Variants in CDNF observed in about 807,000 individuals in gnomAD.
CDNF encodes cerebral dopamine neurotrophic factor.
A neutral mutation model predicts 14.8 loss-of-function variants in CDNF; 9 were observed. That is an observed-to-expected ratio of 0.61 (90% CI 0.37 to 1.06). The LOEUF is 1.06. CDNF is among the 50% of genes least tolerant of loss of function. The pLI is 0.01. For synonymous variants in CDNF, 86 were observed against 87.2 expected (o/e 0.99, Z 0.07); for missense variants, 228 against 228.4 (o/e 1.00, Z 0.01).
chr10:14,824,643 T>A (rs928310104), intron 3 of CDNF, among the ~76,000 whole-genome samples: 2 of 151,730 alleles, frequency 1.3e-5, no homozygotes, highest in Non-Finnish European at 2.9e-5. Flanking sequence ...TCTCCTTCCT[T>A]TTCTTGCTGT....
intron 1 of CDNF, among the ~76,000 whole-genome samples, chr10:14,828,715 T>A (rs1240465593): frequency 6.7e-6 from 1 of 150,114 alleles, no homozygotes; most frequent in East Asian, 2.0e-4. Context: ...TAAGTAAGAA[T>A]GATTTGGGGG....
At chr10:14,836,425 A>G (rs1317105814) in intron 1 of CDNF, 1 of 152,262 alleles carries the variant, frequency 6.6e-6, no homozygotes, top group Non-Finnish European at 1.5e-5. Flanking sequence ...AAACATTTAT[A>G]AGTGGGAGCC....
At position 14,828,211 on chromosome 10, in the gene CDNF, C is replaced by A. The variant is rs141533461; in HGVS notation, c.177G>T (p.Ser59=). The part of the protein sequence containing the change: ...KSLIDRGVNF[S]LDTIEKELIS... ...TCAATTCTTTCTCTATAGTGTCCAGCGAAAAGTTAACTCCTCTGTCTATCA... is the reference window on the plus strand; with the variant it reads ...TCAATTCTTTCTCTATAGTGTCCAGAGAAAAGTTAACTCCTCTGTCTATCA... The change falls in exon 2 of 4, where the codon TCG becomes TCT. Residue 59 remains serine, a synonymous_variant. Coordinates refer to ENST00000465530, the MANE Select transcript of CDNF (RefSeq NM_001029954.3). 6.2e-7 allele frequency: 1 copy of A among 1,613,420 alleles called. No individual in the cohort carries two copies. Among genetic ancestry groups the A allele is most frequent in the Non-Finnish European group, 8.5e-7 (1 of 1,179,414 alleles).
In CDNF at chr10:14,828,126, AAGGTGAAATTTACTATACC is replaced by A; in HGVS notation, c.243_243+18del. 1 of 1,611,922 alleles carries A rather than the reference AAGGTGAAATTTACTATACC, an allele frequency of 6.2e-7. No individual in the cohort carries two copies. Among genetic ancestry groups the A allele is most frequent in the Non-Finnish European group, 8.5e-7 (1 of 1,179,102 alleles). ...TTCTTCAAGCACATGGGGAAAATGA[AAGGTGAAATTTACTATACC>A]AGGCGGTTTTCTTTTCCTTTGGTGT... On this transcript the variant is annotated splice_donor_variant and splice_donor_5th_base_variant and coding_sequence_variant and intron_variant, in exon 2 of 4. Coordinates refer to ENST00000465530, the MANE Select transcript of CDNF (RefSeq NM_001029954.3). LOFTEE classifies it high-confidence loss of function.
chr10:14,827,118 C>A (rs181511359), intron 2 of CDNF, among the ~76,000 whole-genome samples: 3 of 150,178 alleles, frequency 2.0e-5, no homozygotes, highest in Non-Finnish European at 4.4e-5. Flanking sequence ...GCCTTAGTCC[C>A]AGATACTTGG....
At chr10:14,828,092 T>G in intron 2 of CDNF, 53 bp downstream of exon 2, 12 of 1,586,050 alleles carry the variant, frequency 7.6e-6, no homozygotes, top group Non-Finnish European at 9.5e-6. Flanking sequence ...AATGAAACTA[T>G]TAGCAGTATT....
At chr10:14,827,762 C>T (rs1207013297) in intron 2 of CDNF, among the ~76,000 whole-genome samples, 1 of 152,026 alleles carries the variant, frequency 6.6e-6, no homozygotes, top group Non-Finnish European at 1.5e-5. Context: ...TGTGGTGGTG[C>T]ACACCCGTAA....
intron 1 of CDNF, among the ~76,000 whole-genome samples, chr10:14,836,793 G>A (rs1420728032): frequency 6.6e-6 from 1 of 152,084 alleles, no homozygotes; most frequent in East Asian, 1.9e-4. Flanking sequence ...TTAGTCAGGC[G>A]TGGTGGTGGT....
Position 14,820,046 on chromosome 10 carries a change from G to C in CDNF, c.498C>G (p.Asp166Glu), listed in dbSNP as rs775722131. The C allele has an allele frequency of 1.2e-6, 2 of 1,613,998 alleles. No individual in the cohort carries two copies. The highest frequency in any genetic ancestry group is 2.7e-5 in the African/African-American group (2 of 74,888). Reference sequence around the variant, plus strand: ...CCAGCTCTTGAATGAGATTCACATAGTCAGTTTTTTCTGCACAGGCCCTGC... The same window carrying C: ...CCAGCTCTTGAATGAGATTCACATACTCAGTTTTTTCTGCACAGGCCCTGC... ...EECRACAEKT[D>E]YVNLIQELAP... is the part of the protein sequence containing the mutation. Residue 166 changes from aspartate (D) to glutamate (E), a missense_variant, in exon 4 of 4, where the codon GAC becomes GAG. Physicochemically the swap from Asp to Glu is conservative, Grantham distance 45. Transcript: ENST00000465530.
At chr10:14,832,650 T>C (rs1833853043) in intron 1 of CDNF, among the ~76,000 whole-genome samples, 1 of 152,140 alleles carries the variant, frequency 6.6e-6, no homozygotes, top group Middle Eastern at 3.2e-3. Context: ...ACTCTGGACC[T>C]ATCTTGAAGG....
intron 1 of CDNF, among the ~76,000 whole-genome samples, chr10:14,831,022 T>C (rs868321229): frequency 3.9e-5 from 6 of 152,104 alleles, no homozygotes; most frequent in Admixed American, 2.6e-4. Context: ...TAATTATGAG[T>C]TATCAAGAAA....
chr10:14,837,158 T>A (rs1256777973), intron 1 of CDNF, among the ~76,000 whole-genome samples: 1 of 152,224 alleles, frequency 6.6e-6, no homozygotes, highest in Admixed American at 6.5e-5. Context: ...CCACTTACCT[T>A]CTTTGCCTTT....
chr10:14,835,600 C>G (rs531182452), intron 1 of CDNF, among the ~76,000 whole-genome samples: 1 of 152,124 alleles, frequency 6.6e-6, no homozygotes, highest in East Asian at 1.9e-4. Context: ...CCTCAGATAG[C>G]CATACTTCTT....
intron 1 of CDNF, among the ~76,000 whole-genome samples, chr10:14,833,097 T>C (rs950456963): frequency 2.0e-5 from 3 of 152,014 alleles, no homozygotes; most frequent in African/African-American, 7.2e-5. Flanking sequence ...TGACCTTAGG[T>C]GATCTGCCTG....
chr10:14,837,241 G>A (rs1833899684), intron 1 of CDNF, among the ~76,000 whole-genome samples: 1 of 152,162 alleles, frequency 6.6e-6, no homozygotes, highest in Non-Finnish European at 1.5e-5. Context: ...GACTTGGTGG[G>A]ATACAGACTC....
chr10:14,828,139 C>T lies in CDNF; in HGVS notation c.243+6G>A. 6.2e-7 allele frequency: 1 copy of T among 1,613,048 alleles called. No individual in the cohort carries two copies. The highest frequency in any genetic ancestry group is 1.1e-5 in the South Asian group (1 of 90,984). ...TGGGGAAAATGAAAGGTGAAATTTA[C>T]TATACCAGGCGGTTTTCTTTTCCTT... On this transcript the variant is annotated splice_donor_region_variant and intron_variant, in intron 2 of 3. Transcript: ENST00000465530.
rs989668338 is a variant in CDNF, at chr10:14,828,233, A to T, written c.155T>A (p.Ile52Lys). 6.2e-7 allele frequency: 1 copy of T among 1,613,334 alleles called. No homozygotes were observed. Among genetic ancestry groups the T allele is most frequent in the Non-Finnish European group, 8.5e-7 (1 of 1,179,372 alleles). Residue 52 changes from isoleucine to lysine, a missense_variant, in exon 2 of 4, where the codon ATA (isoleucine) becomes AAA (lysine). Ile to Lys is a moderately radical substitution (Grantham distance 102, BLOSUM62 -3). Transcript: ENST00000465530. ...EFLNRFYKSL[I>K]DRGVNFSLDT... ...CAGCGAAAAGTTAACTCCTCTGTCT[A>T]TCAGTGACTTGTAGAATCGGTTCAA... is the stretch of plus-strand genomic sequence containing the variant.
At chr10:14,831,507 C>G (rs1330395938) in intron 1 of CDNF, among the ~76,000 whole-genome samples, 2 of 147,694 alleles carry the variant, frequency 1.4e-5, no homozygotes, top group Non-Finnish European at 3.0e-5. Flanking sequence ...ACTGTATATA[C>G]ATATATATAA....
At chr10:14,820,639 G>A (rs969810922) in intron 3 of CDNF, among the ~76,000 whole-genome samples, 2 of 152,108 alleles carry the variant, frequency 1.3e-5, no homozygotes, top group South Asian at 2.1e-4. Flanking sequence ...AGGCTGCGGC[G>A]GGAGAATTTC....
Sources: gnomAD v4.1 joint callset for allele counts (sites outside exome capture counted in the v4.1 genomes callset) on GRCh38, gnomAD v4.1.1 for gene constraint, MANE v1.5 for transcripts, NCBI Gene and HGNC (gene_info 2026-07-23, HGNC 2026-07-21) for gene names.